NOS1AP: variants seen among roughly 807,000 people sequenced by gnomAD.
NOS1AP encodes the protein nitric oxide synthase 1 adaptor protein, also known as carboxyl-terminal PDZ ligand of neuronal nitric oxide synthase protein.
Under a neutral mutation model 56.2 loss-of-function variants are expected in NOS1AP, and 21 were observed. That is an observed-to-expected ratio of 0.37 (90% CI 0.26 to 0.54). NOS1AP has a LOEUF of 0.54. Among genes scored for constraint, NOS1AP ranks in the 20% least tolerant of loss-of-function variants. The probability of loss-of-function intolerance (pLI) is 0.84; values close to 1 mark genes in which losing one functional copy is unlikely to be tolerated. For missense variants in NOS1AP, 522 were observed against 657.8 expected (o/e 0.79, Z 2.26); for synonymous variants, 270 against 274.6 (o/e 0.98, Z 0.17).
intron 2 of NOS1AP, among the ~76,000 whole-genome samples, chr1:162,173,012 C>T (rs1284080853): frequency 6.6e-6 from 1 of 151,744 alleles, no homozygotes; most frequent in Non-Finnish European, 1.5e-5. Flanking sequence ...ACCTTTGCTT[C>T]CCAGGCTCAA....
At chr1:162,321,731 A>ATATATATATATATAT (rs1553205807) in intron 4 of NOS1AP, among the ~76,000 whole-genome samples, 1 of 128,494 alleles carries the variant, frequency 7.8e-6, no homozygotes, top group African/African-American at 2.9e-5. Flanking sequence ...AAAAAAAAAA[A>ATATATATATATATAT]ATATATATAT....
At chr1:162,207,894 T>C (rs1289465374) in intron 2 of NOS1AP, among the ~76,000 whole-genome samples, 9 of 152,222 alleles carry the variant, frequency 5.9e-5, no homozygotes, top group Non-Finnish European at 1.0e-4. Context: ...AAAAATAAAG[T>C]TTATTTTAAA....
chr1:162,222,048 G>A (rs1317475034), intron 2 of NOS1AP, among the ~76,000 whole-genome samples: 4 of 152,056 alleles, frequency 2.6e-5, no homozygotes, highest in African/African-American at 7.2e-5. Context: ...TTGCAATATT[G>A]CAATGAATTT....
At chr1:162,324,416 CTTTTTTTTTTTT>C (rs35946766) in intron 4 of NOS1AP, among the ~76,000 whole-genome samples, 30 of 72,160 alleles carry the variant, frequency 4.2e-4, no homozygotes, top group Admixed American at 6.4e-4. Flanking sequence ...GGACACTAGC[CTTTTTTTTTTTT>C]TTTTTTTTTT....
rs77726963 is a variant in NOS1AP at position 162,152,059 on chromosome 1, C to T, written c.106-2346C>T. On this transcript the variant is annotated intron_variant, in intron 1 of 9. Coordinates refer to ENST00000361897, the MANE Select transcript of NOS1AP (RefSeq NM_014697.3). ...TGCCTCTTCTCTCCACCTGTCCTCC[C>T]TGCATCCTATGTTTCCTTTGGCTTT... Among the ~76,000 whole-genome samples the T allele has an allele frequency of 9.6e-3, 1,468 of 152,290 alleles. 10 individuals carry two copies. The highest frequency in any genetic ancestry group is 0.012 in the Non-Finnish European group (799 of 68,022).
intron 1 of NOS1AP, among the ~76,000 whole-genome samples, chr1:162,124,689 T>C (rs148893794): frequency 0.02 from 3,004 of 152,070 alleles, 102 homozygotes; most frequent in African/African-American, 0.068. Flanking sequence ...GCCCAGCTAA[T>C]TTTTTGTATT....
At chr1:162,366,246 G>C (rs1658081260) in intron 9 of NOS1AP, among the ~76,000 whole-genome samples, 1 of 152,134 alleles carries the variant, frequency 6.6e-6, no homozygotes, top group Non-Finnish European at 1.5e-5. Flanking sequence ...GTGTGTGTGG[G>C]CTGTGGACCA....
intron 2 of NOS1AP, among the ~76,000 whole-genome samples, chr1:162,155,288 A>ATATATATG (rs1557808084): frequency 2.8e-5 from 4 of 141,866 alleles, no homozygotes; most frequent in South Asian, 2.3e-4. Context: ...ACACATATAT[A>ATATATATG]CATATATATG....
intron 1 of NOS1AP, among the ~76,000 whole-genome samples, chr1:162,097,738 C>A (rs4657142): frequency 0.51 from 77,076 of 151,990 alleles, 21,714 homozygotes; most frequent in Non-Finnish European, 0.64. Flanking sequence ...TCATTTAGAA[C>A]CTCTATCTTA....
intron 8 of NOS1AP, among the ~76,000 whole-genome samples, chr1:162,362,381 G>A (rs548571501): frequency 2.0e-5 from 3 of 151,798 alleles, no homozygotes; most frequent in Non-Finnish European, 2.9e-5. Flanking sequence ...AACCCAGGAG[G>A]GAGAGGTTGC....
intron 8 of NOS1AP, 94 bp downstream of exon 8, chr1:162,357,230 A>C: frequency 6.5e-7 from 1 of 1,539,434 alleles, no homozygotes. Flanking sequence ...TTTAAAATCT[A>C]GGGAGTCATA....
chr1:162,349,002 A>C (rs1029213240), intron 6 of NOS1AP, among the ~76,000 whole-genome samples: 1 of 152,192 alleles, frequency 6.6e-6, no homozygotes, highest in African/African-American at 2.4e-5. Context: ...CCTGACCAAC[A>C]TGAAGAAACC....
rs972081489 is a variant in NOS1AP at position 162,077,220 on chromosome 1, G to C, written c.105+6938G>C. On this transcript the variant is annotated intron_variant, in intron 1 of 9. Coordinates refer to ENST00000361897, the MANE Select transcript of NOS1AP (RefSeq NM_014697.3). Reference sequence around the variant, plus strand: ...GCAGTGTGTTCATATCTTCACCAATGCTTGTTGTCTGACTTTTTGATTCTA... The same window carrying C: ...GCAGTGTGTTCATATCTTCACCAATCCTTGTTGTCTGACTTTTTGATTCTA... 4.6e-5 allele frequency among the ~76,000 whole-genome samples: 7 copies of C among 152,068 alleles called. No individual in the cohort carries two copies. The East Asian group carries it at 9.6e-4, about 21-fold the overall frequency.
At chr1:162,132,168 G>A (rs74125918) in intron 1 of NOS1AP, among the ~76,000 whole-genome samples, 2,866 of 152,288 alleles carry the variant, frequency 0.019, 100 homozygotes, top group African/African-American at 0.065. Context: ...CAGTTCCTGG[G>A]AGGGTGAAGG....
At chr1:162,237,730 C>T (rs1402509487) in intron 2 of NOS1AP, among the ~76,000 whole-genome samples, 2 of 152,232 alleles carry the variant, frequency 1.3e-5, no homozygotes, top group African/African-American at 4.8e-5. Context: ...CCCATTCTAA[C>T]TTCATCAGCT....
chr1:162,283,049 G>C (rs531502078), intron 2 of NOS1AP, among the ~76,000 whole-genome samples: 7 of 146,582 alleles, frequency 4.8e-5, no homozygotes, highest in African/African-American at 1.8e-4. Context: ...AAGAACCAAG[G>C]ATCCTGTTTT....
chr1:162,302,745 ATATC>A (rs1655705455), intron 4 of NOS1AP, among the ~76,000 whole-genome samples: 1 of 152,206 alleles, frequency 6.6e-6, no homozygotes, highest in Admixed American at 6.5e-5. Flanking sequence ...GATGGTGAAC[ATATC>A]TATCACCCCA....
intron 3 of NOS1AP, among the ~76,000 whole-genome samples, chr1:162,297,659 T>G (rs759519719): frequency 4.6e-5 from 7 of 152,158 alleles, no homozygotes; most frequent in Non-Finnish European, 1.0e-4. Flanking sequence ...TCTGACCCAC[T>G]GTATTCATGT....
At chr1:162,295,886 A>T (rs1655440520) in intron 3 of NOS1AP, among the ~76,000 whole-genome samples, 1 of 151,710 alleles carries the variant, frequency 6.6e-6, no homozygotes, top group South Asian at 2.1e-4. Context: ...GAGTGACTAC[A>T]CTCCTCAGGG....
Sources: allele counts gnomAD v4.1 joint callset (sites outside exome capture counted in the v4.1 genomes callset), GRCh38; gene constraint gnomAD v4.1.1; transcripts MANE v1.5; gene names NCBI Gene and HGNC (gene_info 2026-07-23, HGNC 2026-07-21).